GALNT13: variants seen among roughly 807,000 people sequenced by gnomAD.
GALNT13 encodes the protein polypeptide N-acetylgalactosaminyltransferase 13, also known as UDP-GalNAc:polypeptide N-acetylgalactosaminyltransferase 13.
GALNT13 carries 28 observed loss-of-function variants against 64.2 expected under a neutral mutation model. That is an observed-to-expected ratio of 0.44 (90% CI 0.32 to 0.60). The LOEUF (loss-of-function observed/expected upper bound fraction) is 0.60. Among genes scored for constraint, GALNT13 ranks in the 20% least tolerant of loss-of-function variants. The pLI is 0.05. For missense variants in GALNT13, 577 were observed against 669.8 expected (o/e 0.86, Z 1.53); for synonymous variants, 214 against 224.6 (o/e 0.95, Z 0.42).
the GALNT13 span, among the ~76,000 whole-genome samples, chr2:153,809,200 C>T: frequency 5.9e-5 from 9 of 152,206 alleles, no homozygotes; most frequent in South Asian, 1.2e-3. Context: ...TTTTTATCAT[C>T]GAATCTTTCA....
At chr2:154,207,760 C>T (rs1687542677) in intron 4 of GALNT13, among the ~76,000 whole-genome samples, 1 of 152,138 alleles carries the variant, frequency 6.6e-6, no homozygotes, top group Admixed American at 6.5e-5. Context: ...AAGTCTCTAA[C>T]TGGAACTACT....
intron 2 of GALNT13, among the ~76,000 whole-genome samples, chr2:153,936,869 T>C (rs569977068): frequency 2.0e-4 from 30 of 152,106 alleles, no homozygotes; most frequent in Middle Eastern, 6.8e-3. Context: ...TACAGGCGTG[T>C]GCCACCATGC....
chr2:154,028,569 T>A (rs1223580335), intron 3 of GALNT13, among the ~76,000 whole-genome samples: 1 of 152,144 alleles, frequency 6.6e-6, no homozygotes, highest in African/African-American at 2.4e-5. Flanking sequence ...AAATAATAGA[T>A]TAAGTTTTCT....
the GALNT13 span, among the ~76,000 whole-genome samples, chr2:153,174,886 A>G: frequency 2.6e-3 from 387 of 150,324 alleles, 1 homozygote; most frequent in Non-Finnish European, 3.2e-3. Flanking sequence ...TCCAGCCTTC[A>G]CCCATCACCC....
the GALNT13 span, among the ~76,000 whole-genome samples, chr2:153,627,747 T>C: frequency 3.3e-5 from 5 of 152,246 alleles, no homozygotes; most frequent in South Asian, 2.1e-4. Context: ...CCTTAAACAC[T>C]GTCTGACAAA....
the GALNT13 span, among the ~76,000 whole-genome samples, chr2:153,168,295 A>G: frequency 3.5e-3 from 529 of 152,336 alleles, 2 homozygotes; most frequent in African/African-American, 0.012. Flanking sequence ...TTTTCTACAC[A>G]ATGCTTAACG....
At chr2:153,521,141 A>G in the GALNT13 span, among the ~76,000 whole-genome samples, 2 of 152,192 alleles carry the variant, frequency 1.3e-5, no homozygotes, top group Non-Finnish European at 2.9e-5. Context: ...TATTTGTTCT[A>G]TGTTACAGAT....
At chr2:154,114,142 CT>C (rs1472584428) in intron 3 of GALNT13, among the ~76,000 whole-genome samples, 1 of 152,158 alleles carries the variant, frequency 6.6e-6, no homozygotes, top group Non-Finnish European at 1.5e-5. Flanking sequence ...TCCACCATCC[CT>C]CCAGAGATGC....
At chr2:153,375,406 T>C in the GALNT13 span, among the ~76,000 whole-genome samples, 3 of 152,184 alleles carry the variant, frequency 2.0e-5, no homozygotes, top group Admixed American at 2.0e-4. Context: ...GGCCATACTG[T>C]TTTTCATTCA....
chr2:153,493,388 A>G, the GALNT13 span, among the ~76,000 whole-genome samples: 1 of 152,078 alleles, frequency 6.6e-6, no homozygotes, highest in Non-Finnish European at 1.5e-5. Context: ...AACAACCTCT[A>G]TTTCAAAAAT....
At chr2:153,109,371 A>G in the GALNT13 span, among the ~76,000 whole-genome samples, 23 of 152,130 alleles carry the variant, frequency 1.5e-4, no homozygotes, top group African/African-American at 5.5e-4. Flanking sequence ...GGACATGTTG[A>G]AAGCAAAGCA....
intron 12 of GALNT13, among the ~76,000 whole-genome samples, chr2:154,445,341 G>A (rs1701513004): frequency 6.6e-6 from 1 of 151,586 alleles, no homozygotes; most frequent in African/African-American, 2.4e-5. Flanking sequence ...TTTGTTTTAT[G>A]TCATAAAAAT....
intron 8 of GALNT13, among the ~76,000 whole-genome samples, chr2:154,262,172 G>C (rs1690732687): frequency 6.6e-6 from 1 of 152,082 alleles, no homozygotes; most frequent in Non-Finnish European, 1.5e-5. Context: ...TATAATAATA[G>C]TGACTATTAG....
At chr2:153,131,346 G>T in the GALNT13 span, among the ~76,000 whole-genome samples, 2 of 152,146 alleles carry the variant, frequency 1.3e-5, no homozygotes, top group Non-Finnish European at 2.9e-5. Context: ...CCTAACGGAA[G>T]CTCAACAAGC....
At chr2:153,099,044 C>T in the GALNT13 span, among the ~76,000 whole-genome samples, 3 of 152,110 alleles carry the variant, frequency 2.0e-5, no homozygotes, top group Non-Finnish European at 4.4e-5. Context: ...TCGCTTGAGG[C>T]AGAGGTTGCA....
At chr2:154,361,372 T>C (rs997575067) in intron 9 of GALNT13, among the ~76,000 whole-genome samples, 1 of 152,134 alleles carries the variant, frequency 6.6e-6, no homozygotes, top group African/African-American at 2.4e-5. Flanking sequence ...GGCTAAGTTA[T>C]AACATTTCTA....
chr2:153,538,545 C>T, the GALNT13 span, among the ~76,000 whole-genome samples: 5 of 64,584 alleles, frequency 7.7e-5, no homozygotes, highest in Admixed American at 1.8e-4. Context: ...TCCCCCCTCC[C>T]CCCACCCCAC....
chr2:153,755,063 A>T, the GALNT13 span, among the ~76,000 whole-genome samples: 1 of 152,154 alleles, frequency 6.6e-6, no homozygotes, highest in African/African-American at 2.4e-5. Flanking sequence ...GCTGCCAGAG[A>T]ATGAGGGAAG....
At chr2:154,064,160 C>G (rs552111874) in intron 3 of GALNT13, among the ~76,000 whole-genome samples, 2 of 152,074 alleles carry the variant, frequency 1.3e-5, no homozygotes, top group African/African-American at 4.8e-5. Context: ...AGAACTTAGC[C>G]GACACTGATG....
Sources: gnomAD v4.1 joint callset for allele counts (sites outside exome capture counted in the v4.1 genomes callset) on GRCh38, gnomAD v4.1.1 for gene constraint, MANE v1.5 for transcripts, NCBI Gene and HGNC (gene_info 2026-07-23, HGNC 2026-07-21) for gene names.